Variants in SRD5A2 observed in about 807,000 individuals in gnomAD.
The protein encoded by SRD5A2 is 3-oxo-5-alpha-steroid 4-dehydrogenase 2.
A neutral mutation model predicts 27.4 loss-of-function variants in SRD5A2; 30 were observed. The observed-to-expected ratio is 1.10, with a 90% CI of 0.82 to 1.49. The LOEUF (loss-of-function observed/expected upper bound fraction) is 1.49. SRD5A2 is among the 40% of genes most tolerant of loss of function. SRD5A2 has a pLI of 0.00. For missense variants in SRD5A2, 348 were observed against 323.4 expected, an observed-to-expected ratio of 1.08 and a Z score of -0.58; for synonymous variants, 141 against 133.6, an observed-to-expected ratio of 1.06 and a Z score of -0.38.
At position 31,525,916 on chromosome 2, in the gene SRD5A2, A is replaced by G. The variant is rs2148060390; in HGVS notation, c.*280T>C. 1 of 349,868 alleles carries G rather than the reference A, an allele frequency of 2.9e-6. No homozygotes were observed. The highest frequency in any genetic ancestry group is 2.1e-5 in the African/African-American group (1 of 48,740). The allele number at this position is 349,868 out of a possible 1,614,324, so 21.7% of individuals were successfully genotyped here. On this transcript the variant is annotated 3_prime_UTR_variant, in exon 5 of 5. Transcript: ENST00000622030. ...GATTGCCCGGTGAAAGACATAGGAG[A>G]AGTTTGTACTTTCTCAGAGCAATAG...
At chr2:31,564,408 G>C (rs559418055) in intron 1 of SRD5A2, among the ~76,000 whole-genome samples, 1 of 152,058 alleles carries the variant, frequency 6.6e-6, no homozygotes, top group Non-Finnish European at 1.5e-5. Flanking sequence ...AAGAGCATCA[G>C]TGAGTTGTAG....
chr2:31,589,088 C>CA, the SRD5A2 span, among the ~76,000 whole-genome samples: 2 of 152,194 alleles, frequency 1.3e-5, no homozygotes, highest in East Asian at 3.8e-4. Flanking sequence ...TCTGAACACA[C>CA]ATCCCCACTG....
intron 1 of SRD5A2, among the ~76,000 whole-genome samples, chr2:31,560,279 T>A (rs1317692852): frequency 2.0e-5 from 3 of 152,188 alleles, no homozygotes; most frequent in Non-Finnish European, 4.4e-5. Context: ...GCCTTTGATG[T>A]AAGCATCTAG....
chr2:31,572,777 T>C (rs1666878145), intron 1 of SRD5A2, among the ~76,000 whole-genome samples: 1 of 152,140 alleles, frequency 6.6e-6, no homozygotes, highest in Admixed American at 6.5e-5. Context: ...AGTCTATACA[T>C]GAAAAAAGAT....
At chr2:31,582,543 A>G (rs1667100625), upstream of SRD5A2, among the ~76,000 whole-genome samples, 1 of 152,212 alleles carries the variant, frequency 6.6e-6, no homozygotes, top group South Asian at 2.1e-4. Context: ...AGCCGTTTCA[A>G]GCTTTTTTTG....
the SRD5A2 span, among the ~76,000 whole-genome samples, chr2:31,590,876 T>C: frequency 6.6e-6 from 1 of 152,240 alleles, no homozygotes; most frequent in African/African-American, 2.4e-5. Flanking sequence ...GAAAACTGGC[T>C]AGCCATATGT....
intron 1 of SRD5A2, among the ~76,000 whole-genome samples, chr2:31,572,300 T>C (rs1019494611): frequency 3.9e-5 from 6 of 152,220 alleles, no homozygotes; most frequent in Admixed American, 2.0e-4. Context: ...TGGGGTCTAC[T>C]TGAGGGTGGA....
chr2:31,649,875 T>C, the SRD5A2 span, among the ~76,000 whole-genome samples: 133 of 152,280 alleles, frequency 8.7e-4, no homozygotes, highest in African/African-American at 3.1e-3. Flanking sequence ...ACTGTATTAT[T>C]ATAACATCCA....
At chr2:31,626,641 T>C in the SRD5A2 span, among the ~76,000 whole-genome samples, 1 of 152,198 alleles carries the variant, frequency 6.6e-6, no homozygotes. Flanking sequence ...TGGTTCTGTT[T>C]ATATGATGGA....
At chr2:31,541,589 A>C (rs1351216015) in intron 1 of SRD5A2, among the ~76,000 whole-genome samples, 1 of 152,100 alleles carries the variant, frequency 6.6e-6, no homozygotes, top group Non-Finnish European at 1.5e-5. Context: ...CTATCTACAC[A>C]CACAAAAAGC....
intron 1 of SRD5A2, among the ~76,000 whole-genome samples, chr2:31,580,395 G>C (rs1037734144): frequency 1.3e-5 from 2 of 152,210 alleles, no homozygotes; most frequent in East Asian, 1.9e-4. Context: ...TGAGGTCCTG[G>C]GGGAGTGAAG....
At chr2:31,622,907 G>A in the SRD5A2 span, among the ~76,000 whole-genome samples, 46 of 152,010 alleles carry the variant, frequency 3.0e-4, no homozygotes, top group Non-Finnish European at 1.5e-5. Context: ...GCTTCAAAAT[G>A]ATATTTTTTA....
chr2:31,634,573 T>C, the SRD5A2 span, among the ~76,000 whole-genome samples: 11 of 152,166 alleles, frequency 7.2e-5, no homozygotes, highest in Non-Finnish European at 1.6e-4. Context: ...TTATTTTTTA[T>C]TAAGGATATA....
chr2:31,531,567 T>C (rs1319798532), intron 2 of SRD5A2, 95 bp from the exon 3 acceptor site: 3 of 803,538 alleles, frequency 3.7e-6, no homozygotes, highest in Admixed American at 2.3e-5. Context: ...AGGAGGGGCA[T>C]TTAATTTCTA....
At chr2:31,532,790 G>A (rs1480404120) in intron 2 of SRD5A2, among the ~76,000 whole-genome samples, 1 of 152,106 alleles carries the variant, frequency 6.6e-6, no homozygotes, top group Non-Finnish European at 1.5e-5. Flanking sequence ...TCTGGGGCAG[G>A]GGATGGTAGG....
intron 1 of SRD5A2, among the ~76,000 whole-genome samples, chr2:31,541,904 G>C (rs906779623): frequency 2.0e-5 from 3 of 152,218 alleles, no homozygotes; most frequent in Non-Finnish European, 2.9e-5. Flanking sequence ...GCCCTAGCCA[G>C]AGGGGAATCA....
At chr2:31,599,129 T>C in the SRD5A2 span, among the ~76,000 whole-genome samples, 3 of 152,032 alleles carry the variant, frequency 2.0e-5, no homozygotes, top group Non-Finnish European at 4.4e-5. Context: ...ATTGTAAATA[T>C]ACATGCACCC....
intron 1 of SRD5A2, among the ~76,000 whole-genome samples, chr2:31,564,416 T>C (rs1361130023): frequency 6.6e-6 from 1 of 151,836 alleles, no homozygotes; most frequent in Non-Finnish European, 1.5e-5. Flanking sequence ...CAGTGAGTTG[T>C]AGGACAGTTT....
At chr2:31,591,190 G>T in the SRD5A2 span, among the ~76,000 whole-genome samples, 2 of 152,172 alleles carry the variant, frequency 1.3e-5, no homozygotes, top group South Asian at 2.1e-4. Context: ...CTATTCATCT[G>T]ACAAAGGGCT....
Sources: allele counts gnomAD v4.1 joint callset (sites outside exome capture counted in the v4.1 genomes callset), GRCh38; gene constraint gnomAD v4.1.1; transcripts MANE v1.5; gene names NCBI Gene and HGNC (gene_info 2026-07-23, HGNC 2026-07-21).